The following RUFY2 variants were observed in gnomAD, a reference collection of about 807,000 sequenced individuals.
RUFY2 encodes RUN and FYVE domain-containing protein 2.
A neutral mutation model predicts 94.4 loss-of-function variants in RUFY2; 49 were observed. That is an observed-to-expected ratio of 0.52 (90% confidence interval 0.41 to 0.66). The LOEUF (loss-of-function observed/expected upper bound fraction) is 0.66. Among genes scored for constraint, RUFY2 ranks in the 30% least tolerant of loss-of-function variants. RUFY2 has a pLI of 0.00. For synonymous variants in RUFY2, 255 were observed against 235.7 expected (o/e 1.08, Z -0.75); for missense variants, 541 against 692.8 (o/e 0.78, Z 2.46).
intron 15 of RUFY2, among the ~76,000 whole-genome samples, chr10:68,360,970 C>T: frequency 6.6e-6 from 1 of 151,698 alleles, no homozygotes; most frequent in East Asian, 2.0e-4. Context: ...TGTAATTCAA[C>T]TATAAAGTCT....
At chr10:68,343,027 T>G (rs939670011), downstream of RUFY2, 1 of 152,236 alleles carries the variant, frequency 6.6e-6, no homozygotes, top group African/African-American at 2.4e-5. Flanking sequence ...AATCTATATG[T>G]AGCAAGGAAA....
intron 11 of RUFY2, among the ~76,000 whole-genome samples, chr10:68,380,453 A>G (rs1424427120): frequency 6.6e-6 from 1 of 152,156 alleles, no homozygotes; most frequent in African/African-American, 2.4e-5. Flanking sequence ...TCCACCTTCA[A>G]TATTTTTGGA....
intron 12 of RUFY2, chr10:68,377,788 T>C (rs1251078353): frequency 3.0e-6 from 3 of 984,838 alleles, no homozygotes; most frequent in Admixed American, 6.1e-5. Flanking sequence ...ATTCAAAGGA[T>C]ATTAACTCCT....
chr10:68,341,486 G>T, downstream of RUFY2: 1 of 1,028,700 alleles, frequency 9.7e-7, no homozygotes, highest in Non-Finnish European at 1.4e-6. Flanking sequence ...AGCATACTTT[G>T]TTTAATATTA....
At chr10:68,392,510 G>A (rs1564840648) in intron 7 of RUFY2, among the ~76,000 whole-genome samples, 1 of 152,102 alleles carries the variant, frequency 6.6e-6, no homozygotes, top group African/African-American at 2.4e-5. Context: ...CTTTGAAGTA[G>A]GAAAAATGAA....
intron 1 of RUFY2, among the ~76,000 whole-genome samples, chr10:68,406,104 T>C (rs2051273866): frequency 6.6e-6 from 1 of 151,230 alleles, no homozygotes; most frequent in African/African-American, 2.5e-5. Flanking sequence ...AAGCACTTAG[T>C]ATAACATTTC....
At chr10:68,364,765 GCTGGACTCAAACTC>G (rs1261081826) in intron 13 of RUFY2, among the ~76,000 whole-genome samples, 6 of 151,142 alleles carry the variant, frequency 4.0e-5, no homozygotes, top group Non-Finnish European at 7.4e-5. Flanking sequence ...ATGTTGCCAG[GCTGGACTCAAACTC>G]CTGGACTCAA....
rs1430894874 is a variant in RUFY2, at chr10:68,394,367, A to G, written c.483T>C (p.Asp161=). Residue 161 remains aspartate (D), a synonymous_variant, in exon 5 of 18, where the codon GAT becomes GAC. Transcript: ENST00000602465. ...CCTCTCCCTTCACACACAGATTAGC[A>G]TCGATCACATTCAGGCCAACCAGCA... is the stretch of plus-strand genomic sequence containing the variant. ...VGLLVGLNVI[D]ANLCVKGEDL... The G allele has an allele frequency of 1.9e-6, 3 of 1,613,900 alleles. No homozygotes were observed. Among genetic ancestry groups the G allele is most frequent in the Non-Finnish European group, 1.7e-6 (2 of 1,179,842 alleles).
In RUFY2 at chr10:68,356,500, T is replaced by C. The variant is rs182357010; in HGVS notation, c.1551-1099A>G. Among the ~76,000 whole-genome samples, 6 of 151,828 alleles carry C rather than the reference T, an allele frequency of 4.0e-5. No homozygotes were observed. In the East Asian group the frequency reaches 1.2e-3, roughly 30 times the overall value. On this transcript the variant is annotated intron_variant, in intron 15 of 17. Coordinates refer to ENST00000602465, the MANE Select transcript of RUFY2 (RefSeq NM_001330103.2). ...CAGCCTGGGTGACAGCGAGATGCCG[T>C]CTCAAAAACAGCAACAAAAAAGAAA...
At chr10:68,393,959 G>A in intron 6 of RUFY2, 116 bp downstream of exon 6, 1 of 1,414,746 alleles carries the variant, frequency 7.1e-7, no homozygotes, top group Non-Finnish European at 9.3e-7. Context: ...AAATGAAGAA[G>A]TCACAGGGGG....
chr10:68,378,740 G>C, intron 12 of RUFY2: 1 of 1,109,460 alleles, frequency 9.0e-7, no homozygotes, highest in Non-Finnish European at 1.3e-6. Context: ...GTAAAAATGG[G>C]GATAAAGAAA....
At chr10:68,363,881 A>G in intron 14 of RUFY2, 103 bp downstream of exon 14, 1 of 936,646 alleles carries the variant, frequency 1.1e-6, no homozygotes, top group Non-Finnish European at 1.6e-6. Context: ...TTTTAAGATG[A>G]CTAGTATATC....
At chr10:68,384,497 T>C (rs752270021) in intron 8 of RUFY2, among the ~76,000 whole-genome samples, 2 of 152,186 alleles carry the variant, frequency 1.3e-5, no homozygotes, top group Non-Finnish European at 2.9e-5. Flanking sequence ...TAGAGAAATA[T>C]GCATTAAATA....
chr10:68,345,284 G>A lies in RUFY2; in HGVS notation c.*484C>T, dbSNP rs2046207230. On this transcript the variant is annotated 3_prime_UTR_variant, in exon 18 of 18. Transcript: ENST00000602465. The stretch of plus-strand genomic sequence containing the variant: ...AATGCAAGAGGCAAAGGGAGAGGGG[G>A]AGAAGAAAGGGCAAATAAATATAGT... 4.6e-6 allele frequency: 1 copy of A among 219,214 alleles called. No individual in the cohort carries two copies. Among genetic ancestry groups the A allele is most frequent in the Non-Finnish European group, 8.9e-6 (1 of 112,756 alleles). The allele number at this position is 219,214 out of a possible 1,614,324, so 13.6% of individuals were successfully genotyped here. A position where few individuals can be genotyped will look rare whatever the true frequency, so the allele number is the denominator to read the frequency against.
At chr10:68,342,293 A>C (rs919945879), downstream of RUFY2, 2 of 422,404 alleles carry the variant, frequency 4.7e-6, no homozygotes, top group African/African-American at 2.1e-5. Flanking sequence ...GATACTTTTT[A>C]TATACTAGTT....
chr10:68,396,210 G>A (rs189335725), intron 4 of RUFY2, among the ~76,000 whole-genome samples: 74 of 152,024 alleles, frequency 4.9e-4, no homozygotes, highest in African/African-American at 1.5e-3. Flanking sequence ...CGTTGGTCTC[G>A]AACTCCTGAC....
downstream of RUFY2, chr10:68,341,511 T>C (rs2045938263): frequency 8.8e-7 from 1 of 1,138,174 alleles, no homozygotes. Flanking sequence ...ATTGATCTTT[T>C]TTACAAAGCT....
chr10:68,368,505 C>T (rs1281295930), intron 13 of RUFY2, among the ~76,000 whole-genome samples: 1 of 151,586 alleles, frequency 6.6e-6, no homozygotes, highest in Non-Finnish European at 1.5e-5. Context: ...ACTAAAAATA[C>T]AAAATTAGCC....
At chr10:68,402,364 A>AT (rs1380069949) in intron 2 of RUFY2, among the ~76,000 whole-genome samples, 1 of 152,126 alleles carries the variant, frequency 6.6e-6, no homozygotes, top group Non-Finnish European at 1.5e-5. Flanking sequence ...ATTGCCATAC[A>AT]TTTTTGTTAT....
Sources: allele counts gnomAD v4.1 joint callset (sites outside exome capture counted in the v4.1 genomes callset), GRCh38; gene constraint gnomAD v4.1.1; transcripts MANE v1.5; gene names NCBI Gene and HGNC (gene_info 2026-07-23, HGNC 2026-07-21).